The following ETHE1 variants were observed in gnomAD, a reference collection of about 807,000 sequenced individuals.
The protein encoded by ETHE1 is ETHE1 persulfide dioxygenase, also known as persulfide dioxygenase ETHE1, mitochondrial.
ETHE1 carries 16 observed loss-of-function variants against 25.7 expected under a neutral mutation model. The observed-to-expected ratio is 0.62, with a 90% confidence interval of 0.42 to 0.95. ETHE1 has a LOEUF of 0.95. Ranked by LOEUF, ETHE1 falls within the 40% of genes least tolerant of loss-of-function variation. The probability of loss-of-function intolerance (pLI) is 0.00; values close to 1 mark genes in which losing one functional copy is unlikely to be tolerated. For missense variants in ETHE1, 300 were observed against 333.6 expected (o/e 0.90, Z 0.79); for synonymous variants, 139 against 135.9 (o/e 1.02, Z -0.16).
intron 4 of ETHE1, among the ~76,000 whole-genome samples, chr19:43,509,738 G>T (rs1362371887): frequency 2.0e-5 from 3 of 152,178 alleles, no homozygotes; most frequent in Non-Finnish European, 4.4e-5. Context: ...AGAGCTTGCA[G>T]TGAGCCAAGA....
Position 43,526,736 on chromosome 19 carries a change from T to C in ETHE1, c.82-77A>G, listed in dbSNP as rs539284254. 7.7e-5 allele frequency: 123 copies of C among 1,605,446 alleles called. No homozygotes were observed. The African/African-American group carries it at 1.5e-3, about 20-fold the overall frequency. ...GAGGCCAAGTAGTCCAGACTGACCC[T>C]ATCCTCTTCCTAAGATCCAGAAGCA... On this transcript the variant is annotated intron_variant, in intron 1 of 6. Transcript: ENST00000292147.
At chr19:43,522,224 C>A (rs1334236291) in intron 3 of ETHE1, among the ~76,000 whole-genome samples, 3 of 152,124 alleles carry the variant, frequency 2.0e-5, no homozygotes, top group African/African-American at 7.2e-5. Context: ...GAGTTTGAGA[C>A]CAATCTGAGC....
Position 43,518,999 on chromosome 19 carries a change from GTTTTTTTTTTTTTTTT to G in ETHE1, c.375+7186_375+7201del, listed in dbSNP as rs71169253. Reference sequence around the variant, plus strand: ...CTGATGGCTGATGAAATTTGTGCTTGTTTTTTTTTTTTTTTTTTTTTTTTTTTTTTGAGACAGTCTT... The same window carrying G: ...CTGATGGCTGATGAAATTTGTGCTTGTTTTTTTTTTTTTTGAGACAGTCTT... On this transcript the variant is annotated intron_variant, in intron 3 of 6. Coordinates refer to ENST00000292147, the MANE Select transcript of ETHE1 (RefSeq NM_014297.5). Among the ~76,000 whole-genome samples the G allele has an allele frequency of 4.1e-4, 37 of 91,016 alleles. 1 individual carries two copies. In the East Asian group the frequency reaches 0.013, roughly 32 times the overall value. The allele number at this position is 91,016 out of a possible 152,430, so 59.7% of individuals were successfully genotyped here. A position where few individuals can be genotyped will look rare whatever the true frequency, so the allele number is the denominator to read the frequency against.
intron 3 of ETHE1, among the ~76,000 whole-genome samples, chr19:43,525,154 G>GAAAA (rs71890992): frequency 3.7e-5 from 5 of 134,096 alleles, no homozygotes; most frequent in African/African-American, 5.5e-5. Context: ...AAGAAAGAAA[G>GAAAA]AAAAAAAAAA....
intron 6 of ETHE1, among the ~76,000 whole-genome samples, chr19:43,507,292 C>T (rs1254061469): frequency 6.9e-6 from 1 of 145,402 alleles, no homozygotes; most frequent in African/African-American, 2.6e-5. Context: ...CCCCTCCTCC[C>T]TCAGACCCAG....
At chr19:43,513,489 T>C (rs1432284970) in intron 3 of ETHE1, among the ~76,000 whole-genome samples, 2 of 152,182 alleles carry the variant, frequency 1.3e-5, no homozygotes, top group Non-Finnish European at 1.5e-5. Flanking sequence ...ATTTGAGACA[T>C]GGAGTAAAAG....
intron 3 of ETHE1, among the ~76,000 whole-genome samples, chr19:43,521,068 C>T (rs1419085229): frequency 4.6e-5 from 7 of 152,130 alleles, no homozygotes; most frequent in Non-Finnish European, 1.0e-4. Flanking sequence ...TGCGGTGGCT[C>T]ACTCCTGTAA....
chr19:43,510,220 T>C (rs1971882578), intron 4 of ETHE1, among the ~76,000 whole-genome samples: 1 of 152,020 alleles, frequency 6.6e-6, no homozygotes, highest in Non-Finnish European at 1.5e-5. Context: ...GAAACTATAC[T>C]CGCTTTCTAC....
At chr19:43,520,820 T>G (rs1425339798) in intron 3 of ETHE1, among the ~76,000 whole-genome samples, 1 of 152,168 alleles carries the variant, frequency 6.6e-6, no homozygotes, top group Non-Finnish European at 1.5e-5. Context: ...AAACCCACAC[T>G]TGAGCCACAT....
At chr19:43,523,088 C>T (rs188752678) in intron 3 of ETHE1, among the ~76,000 whole-genome samples, 150 of 152,192 alleles carry the variant, frequency 9.9e-4, no homozygotes, top group Non-Finnish European at 1.7e-3. Context: ...CAGGCAAAAC[C>T]GGCCTGTGGT....
intron 3 of ETHE1, among the ~76,000 whole-genome samples, chr19:43,523,497 G>A (rs898495894): frequency 2.6e-5 from 4 of 151,474 alleles, no homozygotes; most frequent in Middle Eastern, 3.4e-3. Flanking sequence ...GGCTGATCTC[G>A]AACTTCTGAC....
rs368806424 is a variant in ETHE1, at chr19:43,508,558, C to T, written c.595+217G>A. Among the ~76,000 whole-genome samples the T allele has an allele frequency of 6.6e-5, 10 of 152,216 alleles. No homozygotes were observed. In the East Asian group the frequency reaches 1.5e-3, roughly 23 times the overall value. ...TTTGCCATGTTACTCCAGCTGGTCT[C>T]GAACTCACTCCTGGGCTCAAATGAG... On this transcript the variant is annotated intron_variant, in intron 5 of 6. Transcript: ENST00000292147.
At position 43,526,315 on chromosome 19, in the gene ETHE1, G is replaced by A. The variant is rs1450459330; in HGVS notation, c.261C>T (p.Gly87=). 7 of 1,614,060 alleles carry A rather than the reference G, an allele frequency of 4.3e-6. No individual in the cohort carries two copies. Among genetic ancestry groups the A allele is most frequent in the Non-Finnish European group, 5.9e-6 (7 of 1,180,042 alleles). The part of the protein sequence containing the change: ...NTHCHADHIT[G]SGLLRSLLPG... ...GGAGGAGGGAACGGAGCAGCCCCGAGCCTGTAATGTGGTCCGCGTGGCAGT... is the reference window on the plus strand; with the variant it reads ...GGAGGAGGGAACGGAGCAGCCCCGAACCTGTAATGTGGTCCGCGTGGCAGT... The change falls in exon 3 of 7, where the codon GGC becomes GGT. Residue 87 remains glycine, a synonymous_variant. Coordinates refer to ENST00000292147, the MANE Select transcript of ETHE1 (RefSeq NM_014297.5).
intron 3 of ETHE1, 74 bp from the exon 4 acceptor site, chr19:43,511,640 C>T: frequency 1.3e-6 from 2 of 1,565,116 alleles, no homozygotes; most frequent in Non-Finnish European, 1.7e-6. Context: ...AAAGCCCCAC[C>T]CTACCCCAGG....
At chr19:43,523,324 G>A (rs1055511634) in intron 3 of ETHE1, among the ~76,000 whole-genome samples, 2 of 152,116 alleles carry the variant, frequency 1.3e-5, no homozygotes, top group African/African-American at 4.8e-5. Context: ...AGGCTGGAGT[G>A]CAGTGGTGCG....
chr19:43,508,930 G>T (rs537464365), intron 4 of ETHE1, 66 bp from the exon 5 acceptor site: 3 of 1,209,000 alleles, frequency 2.5e-6, no homozygotes, highest in East Asian at 4.9e-5. Context: ...CTTCCTTCAA[G>T]AAAAGGGTAG....
chr19:43,514,283 A>G (rs914448990), intron 3 of ETHE1, among the ~76,000 whole-genome samples: 1 of 151,994 alleles, frequency 6.6e-6, no homozygotes. Flanking sequence ...TGCTATTCTC[A>G]TGATAGTGAA....
At chr19:43,515,137 C>T (rs990745089) in intron 3 of ETHE1, among the ~76,000 whole-genome samples, 1 of 152,062 alleles carries the variant, frequency 6.6e-6, no homozygotes, top group Non-Finnish European at 1.5e-5. Context: ...GCAGTGGTGG[C>T]TGGGCGCTGT....
In ETHE1 at chr19:43,526,252, G is replaced by C; in HGVS notation, c.324C>G (p.Ala108=). The C allele has an allele frequency of 1.9e-6, 3 of 1,614,176 alleles. No homozygotes were observed. The highest frequency in any genetic ancestry group is 3.3e-5 in the Admixed American group (2 of 60,002). The change falls in exon 3 of 7, where the codon GCC becomes GCG. Residue 108 remains alanine (A), a synonymous_variant. Transcript: ENST00000292147. The part of the protein sequence containing the change: ...CQSVISRLSG[A]QADLHIEDGD... ...CATCCTCAATGTGTAAGTCAGCCTG[G>C]GCCCCACTAAGGCGGGAGATGACAG...
Sources: gnomAD v4.1 joint callset for allele counts (sites outside exome capture counted in the v4.1 genomes callset) on GRCh38, gnomAD v4.1.1 for gene constraint, MANE v1.5 for transcripts, NCBI Gene and HGNC (gene_info 2026-07-23, HGNC 2026-07-21) for gene names.